Variants in CACNA2D3 observed in about 807,000 individuals in gnomAD.
CACNA2D3 encodes calcium voltage-gated channel auxiliary subunit alpha2delta 3.
Under a neutral mutation model 160.6 loss-of-function variants are expected in CACNA2D3, and 60 were observed. The observed-to-expected ratio is 0.37, with a 90% confidence interval of 0.30 to 0.46. The LOEUF (loss-of-function observed/expected upper bound fraction) is 0.46. Among genes scored for constraint, CACNA2D3 ranks in the 20% least tolerant of loss-of-function variants. The pLI is 1.00. For synonymous variants in CACNA2D3, 558 were observed against 492.9 expected (o/e 1.13, Z -1.75); for missense variants, 1,205 against 1,365.0 (o/e 0.88, Z 1.85).
intron 2 of CACNA2D3, among the ~76,000 whole-genome samples, chr3:54,136,837 G>A (rs535006971): frequency 3.3e-5 from 5 of 152,340 alleles, no homozygotes; most frequent in Admixed American, 1.3e-4. Flanking sequence ...GCTTGGCCCC[G>A]AGCCCCAGAA....
At chr3:54,895,107 A>T (rs1427417153) in intron 25 of CACNA2D3, among the ~76,000 whole-genome samples, 1 of 152,180 alleles carries the variant, frequency 6.6e-6, no homozygotes, top group Non-Finnish European at 1.5e-5. Context: ...ACAATTACCT[A>T]GTTCTAGTAG....
intron 35 of CACNA2D3, among the ~76,000 whole-genome samples, chr3:55,064,303 G>A (rs533665263): frequency 6.6e-6 from 1 of 152,316 alleles, no homozygotes; most frequent in South Asian, 2.1e-4. Context: ...TGGGCGGGAG[G>A]TTTGCCCCTG....
At chr3:54,716,039 A>G (rs1701044608) in intron 11 of CACNA2D3, among the ~76,000 whole-genome samples, 2 of 150,428 alleles carry the variant, frequency 1.3e-5, no homozygotes, top group Non-Finnish European at 2.9e-5. Flanking sequence ...CAACATGTAT[A>G]TGTATATCAA....
chr3:54,863,337 C>T (rs1699333118), intron 17 of CACNA2D3, among the ~76,000 whole-genome samples: 1 of 152,140 alleles, frequency 6.6e-6, no homozygotes, highest in African/African-American at 2.4e-5. Context: ...GTGTTCCTTC[C>T]TCTTTGCCGA....
At chr3:54,794,253 A>T (rs1702820483) in intron 13 of CACNA2D3, among the ~76,000 whole-genome samples, 1 of 152,048 alleles carries the variant, frequency 6.6e-6, no homozygotes, top group South Asian at 2.1e-4. Context: ...CTTTTGAGTG[A>T]TTGTTAATTA....
At chr3:54,356,371 G>T (rs541778031) in intron 3 of CACNA2D3, among the ~76,000 whole-genome samples, 7 of 152,162 alleles carry the variant, frequency 4.6e-5, no homozygotes, top group Admixed American at 3.3e-4. Context: ...TTTTCTCTTT[G>T]CTGAGAACTT....
chr3:54,813,985 C>T (rs1169834488), intron 13 of CACNA2D3, among the ~76,000 whole-genome samples: 1 of 151,500 alleles, frequency 6.6e-6, no homozygotes, highest in African/African-American at 2.4e-5. Context: ...CCCACCTCAG[C>T]CTCCCGAGTA....
chr3:54,986,761 T>C (rs1465176660), intron 30 of CACNA2D3, among the ~76,000 whole-genome samples: 1 of 105,604 alleles, frequency 9.5e-6, no homozygotes, highest in African/African-American at 3.7e-5. Flanking sequence ...AAGCTACAAA[T>C]CTTCAGAGCA....
intron 4 of CACNA2D3, among the ~76,000 whole-genome samples, chr3:54,458,499 T>C (rs1700439647): frequency 6.6e-6 from 1 of 152,000 alleles, no homozygotes; most frequent in Non-Finnish European, 1.5e-5. Flanking sequence ...CATCGAATTA[T>C]TTCCTGGCCT....
intron 27 of CACNA2D3, among the ~76,000 whole-genome samples, chr3:54,932,732 T>A (rs1172076897): frequency 6.6e-6 from 1 of 152,170 alleles, no homozygotes; most frequent in East Asian, 1.9e-4. Context: ...AGGTCTGCCT[T>A]GGTAAAGTCA....
chr3:54,869,742 G>A (rs1390583037), intron 17 of CACNA2D3, among the ~76,000 whole-genome samples: 1 of 152,156 alleles, frequency 6.6e-6, no homozygotes, highest in Non-Finnish European at 1.5e-5. Context: ...ACACTGAGGG[G>A]CAAGGCACCG....
At chr3:54,569,718 A>G (rs753020399) in intron 6 of CACNA2D3, 77 bp from the exon 7 acceptor site, 4 of 1,201,618 alleles carry the variant, frequency 3.3e-6, no homozygotes. Context: ...TTCAATCAGC[A>G]AAGTAGAGCA....
At chr3:55,006,952 C>G (rs1057249493) in intron 32 of CACNA2D3, among the ~76,000 whole-genome samples, 1 of 152,180 alleles carries the variant, frequency 6.6e-6, no homozygotes, top group Non-Finnish European at 1.5e-5. Context: ...TGAGATTCTT[C>G]TGGACCTGAC....
At chr3:54,710,082 G>T (rs1700928338) in intron 11 of CACNA2D3, among the ~76,000 whole-genome samples, 1 of 152,184 alleles carries the variant, frequency 6.6e-6, no homozygotes, top group Non-Finnish European at 1.5e-5. Context: ...ATATTCATTT[G>T]TTCATGCATT....
chr3:54,766,160 C>T (rs1432167018), intron 13 of CACNA2D3, among the ~76,000 whole-genome samples: 3 of 151,818 alleles, frequency 2.0e-5, no homozygotes, highest in Admixed American at 1.3e-4. Flanking sequence ...CTTTTGTAAG[C>T]CAAAAACACA....
At chr3:54,582,406 T>C (rs2106740741) in intron 9 of CACNA2D3, among the ~76,000 whole-genome samples, 1 of 152,348 alleles carries the variant, frequency 6.6e-6, no homozygotes, top group East Asian at 1.9e-4. Flanking sequence ...AGGAGAATCT[T>C]ACACAATGGG....
At chr3:54,183,014 T>C (rs892768629) in intron 2 of CACNA2D3, among the ~76,000 whole-genome samples, 1 of 152,208 alleles carries the variant, frequency 6.6e-6, no homozygotes, top group Non-Finnish European at 1.5e-5. Context: ...AATCTACATA[T>C]TCCTGTGGGA....
intron 35 of CACNA2D3, among the ~76,000 whole-genome samples, chr3:55,044,356 G>C (rs1464986765): frequency 6.6e-6 from 1 of 151,930 alleles, no homozygotes; most frequent in African/African-American, 2.4e-5. Flanking sequence ...TGTACCTTTA[G>C]TGCTATTATA....
chr3:54,356,430 C>G (rs901018418), intron 3 of CACNA2D3, among the ~76,000 whole-genome samples: 2 of 152,204 alleles, frequency 1.3e-5, no homozygotes, highest in Non-Finnish European at 2.9e-5. Flanking sequence ...AAAGACACTG[C>G]TGACTCAGTT....
Sources: gnomAD v4.1 joint callset for allele counts (sites outside exome capture counted in the v4.1 genomes callset) on GRCh38, gnomAD v4.1.1 for gene constraint, MANE v1.5 for transcripts, NCBI Gene and HGNC (gene_info 2026-07-23, HGNC 2026-07-21) for gene names.